Variants in VPS13B observed in about 807,000 individuals in gnomAD.
The protein encoded by VPS13B is intermembrane lipid transfer protein VPS13B.
VPS13B carries 285 observed loss-of-function variants against 426.4 expected under a neutral mutation model. The ratio of observed to expected loss-of-function variants is 0.67; its 90% CI spans 0.61 to 0.74. The LOEUF is 0.74. Ranked by LOEUF, VPS13B falls within the 30% of genes least tolerant of loss-of-function variation. The probability of loss-of-function intolerance (pLI) is 0.00; values close to 1 mark genes in which losing one functional copy is unlikely to be tolerated. For synonymous variants in VPS13B, 1,676 were observed against 1,676.4 expected, an observed-to-expected ratio of 1.00 and a Z score of 0.01; for missense variants, 4,537 against 4,782.6, an observed-to-expected ratio of 0.95 and a Z score of 1.51.
chr8:99,657,197 G>T (rs943565154), intron 34 of VPS13B, among the ~76,000 whole-genome samples: 1 of 151,962 alleles, frequency 6.6e-6, no homozygotes, highest in Admixed American at 6.6e-5. Flanking sequence ...AGATGGTCAG[G>T]TCCTCTAACT....
At chr8:99,577,657 A>G (rs1332048349) in intron 33 of VPS13B, 24 bp downstream of exon 33, 2 of 1,612,414 alleles carry the variant, frequency 1.2e-6, no homozygotes, top group Admixed American at 3.3e-5. Flanking sequence ...GATTTTGATC[A>G]GGCTTACTGC....
chr8:99,282,786 A>G lies in VPS13B; in HGVS notation c.2824+7532A>G, dbSNP rs995075600. Among the ~76,000 whole-genome samples, 13 of 152,218 alleles carry G rather than the reference A, an allele frequency of 8.5e-5. No individual in the cohort carries two copies. In the East Asian group the frequency reaches 9.6e-4, roughly 11 times the overall value. ...TAACGTATCTTTAAATGTAATGCCA[A>G]TGTAAACCAGTCTTTATTATCTTGT... On this transcript the variant is annotated intron_variant, in intron 19 of 61. Coordinates refer to ENST00000357162, the MANE Select transcript of VPS13B (RefSeq NM_152564.5).
At chr8:99,108,995 T>A (rs1352413922) in intron 5 of VPS13B, among the ~76,000 whole-genome samples, 1 of 152,178 alleles carries the variant, frequency 6.6e-6, no homozygotes, top group Non-Finnish European at 1.5e-5. Flanking sequence ...TAGGCTTTTC[T>A]TTGATTGCTT....
At chr8:99,235,894 T>TAA (rs1816617397) in intron 17 of VPS13B, among the ~76,000 whole-genome samples, 1 of 152,228 alleles carries the variant, frequency 6.6e-6, no homozygotes, top group Non-Finnish European at 1.5e-5. Flanking sequence ...AAAACAATGG[T>TAA]AACCACTTAT....
chr8:99,580,369 G>A (rs975683637), intron 33 of VPS13B, among the ~76,000 whole-genome samples: 1 of 146,920 alleles, frequency 6.8e-6, no homozygotes, highest in African/African-American at 2.5e-5. Flanking sequence ...CTTTTCTTTT[G>A]TTTAGTAGAG....
rs111368405 is a variant in VPS13B, at chr8:99,266,429, A to G, written c.2516-7769A>G. Among the ~76,000 whole-genome samples the G allele has an allele frequency of 7.9e-3, 1,208 of 152,220 alleles. 20 individuals are homozygous for G. Among genetic ancestry groups the G allele is most frequent in the African/African-American group, 0.028 (1,148 of 41,530 alleles). Reference sequence around the variant, plus strand: ...TCTGTCTCTTAAAAAAAAGAAAAAAAAATAGGTTTAATGGTGCACCACAGG... The same window carrying G: ...TCTGTCTCTTAAAAAAAAGAAAAAAGAATAGGTTTAATGGTGCACCACAGG... On this transcript the variant is annotated intron_variant, in intron 17 of 61. Transcript: ENST00000357162.
At chr8:99,721,277 A>G (rs1833120057) in intron 39 of VPS13B, among the ~76,000 whole-genome samples, 1 of 152,228 alleles carries the variant, frequency 6.6e-6, no homozygotes, top group Non-Finnish European at 1.5e-5. Context: ...AGAGTTCTCA[A>G]TTCTACTCTC....
chr8:99,082,603 A>T (rs1055880714), intron 3 of VPS13B, among the ~76,000 whole-genome samples: 13 of 152,148 alleles, frequency 8.5e-5, no homozygotes, highest in Admixed American at 3.3e-4. Flanking sequence ...TAGGTCTAAC[A>T]TTTAAGTCTT....
intron 33 of VPS13B, among the ~76,000 whole-genome samples, chr8:99,611,976 C>G (rs1241033006): frequency 2.0e-5 from 3 of 151,964 alleles, no homozygotes; most frequent in Non-Finnish European, 4.4e-5. Flanking sequence ...AGTATTAGCC[C>G]TCTCTATAAC....
chr8:99,428,282 C>G (rs890259444), intron 21 of VPS13B, among the ~76,000 whole-genome samples: 12 of 152,122 alleles, frequency 7.9e-5, no homozygotes, highest in Non-Finnish European at 1.5e-4. Context: ...CCAAAAGTGA[C>G]AAATGGGATC....
chr8:99,574,151 G>A (rs186706674), intron 31 of VPS13B, among the ~76,000 whole-genome samples: 5 of 152,134 alleles, frequency 3.3e-5, no homozygotes, highest in African/African-American at 1.2e-4. Flanking sequence ...CATTGATTTT[G>A]TATCCTGAGA....
chr8:99,447,261 G>C (rs893466501), intron 23 of VPS13B, among the ~76,000 whole-genome samples: 3 of 152,106 alleles, frequency 2.0e-5, no homozygotes, highest in African/African-American at 7.2e-5. Flanking sequence ...TTGATAAAAG[G>C]TTTTTATGCC....
intron 19 of VPS13B, among the ~76,000 whole-genome samples, chr8:99,305,843 C>T (rs1362651358): frequency 1.3e-5 from 2 of 152,046 alleles, no homozygotes; most frequent in Non-Finnish European, 2.9e-5. Flanking sequence ...ACCCGTTTGA[C>T]ATTAGCCACT....
At chr8:99,234,517 G>A (rs1445852905) in intron 17 of VPS13B, 2 of 500,184 alleles carry the variant, frequency 4.0e-6, no homozygotes, top group Non-Finnish European at 8.0e-6. Flanking sequence ...GGGCTTCCGC[G>A]GGGTTGGGGT....
chr8:99,067,674 G>A (rs1844610772), intron 3 of VPS13B, among the ~76,000 whole-genome samples: 1 of 152,112 alleles, frequency 6.6e-6, no homozygotes, highest in African/African-American at 2.4e-5. Flanking sequence ...GAATGCCTTG[G>A]ACACAACAGC....
chr8:99,519,394 C>CA (rs1374203869), intron 29 of VPS13B, among the ~76,000 whole-genome samples: 1 of 152,148 alleles, frequency 6.6e-6, no homozygotes, highest in African/African-American at 2.4e-5. Context: ...GTCAGTGTGG[C>CA]AATTCCTCAG....
At chr8:99,027,957 A>G (rs957464551) in intron 2 of VPS13B, among the ~76,000 whole-genome samples, 73 of 152,194 alleles carry the variant, frequency 4.8e-4, no homozygotes, top group African/African-American at 1.7e-3. Flanking sequence ...AACAAAGCAC[A>G]TCTTGCACCG....
intron 25 of VPS13B, among the ~76,000 whole-genome samples, chr8:99,500,745 A>G (rs898169967): frequency 2.0e-5 from 3 of 152,232 alleles, no homozygotes; most frequent in Non-Finnish European, 4.4e-5. Flanking sequence ...TTAAACGGAC[A>G]GCAAAGTTTG....
chr8:99,246,366 G>T (rs1302168948), intron 17 of VPS13B, among the ~76,000 whole-genome samples: 1 of 152,128 alleles, frequency 6.6e-6, no homozygotes, highest in Non-Finnish European at 1.5e-5. Context: ...CTAGGACAGC[G>T]ACTGGCAAGG....
Sources: allele counts gnomAD v4.1 joint callset (sites outside exome capture counted in the v4.1 genomes callset), GRCh38; gene constraint gnomAD v4.1.1; transcripts MANE v1.5; gene names NCBI Gene and HGNC (gene_info 2026-07-23, HGNC 2026-07-21).